The following RPL27 variants were observed in gnomAD, a reference collection of about 807,000 sequenced individuals.
The protein encoded by RPL27 is ribosomal protein L27, also known as large ribosomal subunit protein eL27.
For missense variants in RPL27, 131 were observed against 174.3 expected (o/e 0.75, Z 1.40); for synonymous variants, 77 against 61.0 (o/e 1.26, Z -1.22).
At chr17:43,002,423 C>T (rs960662674) in intron 3 of RPL27, among the ~76,000 whole-genome samples, 9 of 151,962 alleles carry the variant, frequency 5.9e-5, no homozygotes, top group African/African-American at 1.7e-4. Context: ...AGGAGAATGG[C>T]GTGAACCCGG....
chr17:43,002,079 G>A (rs2050368888), intron 3 of RPL27, among the ~76,000 whole-genome samples: 1 of 151,514 alleles, frequency 6.6e-6, no homozygotes, highest in African/African-American at 2.4e-5. Flanking sequence ...GGGCAACAGC[G>A]AGACTGTGTC....
chr17:43,000,426 C>CT (rs779066485), intron 3 of RPL27, among the ~76,000 whole-genome samples: 2 of 151,530 alleles, frequency 1.3e-5, no homozygotes, highest in Non-Finnish European at 2.9e-5. Context: ...TTTTACTCAC[C>CT]TGTTGGGCCC....
chr17:43,002,815 A>G, intron 4 of RPL27, 32 bp downstream of exon 4: 1 of 1,598,430 alleles, frequency 6.3e-7, no homozygotes, highest in African/African-American at 1.3e-5. Context: ...ATGGTGGAGT[A>G]TGGTTTCACT....
intron 3 of RPL27, among the ~76,000 whole-genome samples, chr17:43,002,332 C>T (rs551214065): frequency 1.3e-5 from 2 of 151,492 alleles, no homozygotes; most frequent in South Asian, 2.1e-4. Context: ...TGTGAAACCC[C>T]GTCTCTACTA....
chr17:42,999,031 G>A (rs1323432816), intron 2 of RPL27, 200 bp downstream of exon 2: 5 of 562,266 alleles, frequency 8.9e-6, no homozygotes, highest in Non-Finnish European at 1.6e-5. Context: ...AACGCATAAA[G>A]CCTTCTCCAC....
At chr17:43,001,473 T>C (rs2050361425) in intron 3 of RPL27, among the ~76,000 whole-genome samples, 1 of 56,420 alleles carries the variant, frequency 1.8e-5, no homozygotes, top group Non-Finnish European at 4.4e-5. Flanking sequence ...TAAAAAAAAT[T>C]AGCTGGGCAT....
At chr17:43,001,138 T>TC (rs1346352469) in intron 3 of RPL27, among the ~76,000 whole-genome samples, 1 of 140,872 alleles carries the variant, frequency 7.1e-6, no homozygotes, top group Non-Finnish European at 1.5e-5. Context: ...GGTCAGGAGA[T>TC]CGAGACCGCA....
At position 43,002,048 on chromosome 17, in the gene RPL27, T is replaced by C. The variant is rs539147338; in HGVS notation, c.252-625T>C. ...GGCGGAGGTTGCAGTGAGCCGAGAT[T>C]GCGCCACTGCACTCCAGCCTGGGCA... is the stretch of plus-strand genomic sequence containing the variant. On this transcript the variant is annotated intron_variant, in intron 3 of 4. Coordinates refer to ENST00000253788, the MANE Select transcript of RPL27 (RefSeq NM_000988.5). 1.2e-3 allele frequency among the ~76,000 whole-genome samples: 180 copies of C among 145,568 alleles called. 1 individual carries two copies. The highest frequency in any genetic ancestry group is 2.3e-3 in the Non-Finnish European group (151 of 65,712).
Position 43,000,042 on chromosome 17 carries a change from A to G in RPL27, c.191A>G (p.Lys64Arg), listed in dbSNP as rs1567737854. ...TAAMGKKKIA[K>R]RSKIKSFVKV... ...GCCATGGGCAAGAAGAAGATCGCCA[A>G]GAGATCAAAGATAAAATCTTTTGTG... is the stretch of plus-strand genomic sequence containing the variant. Residue 64 changes from lysine to arginine, a missense_variant, in exon 3 of 5, where the codon AAG becomes AGG. By Grantham distance (26) the Lys-to-Arg change is conservative. Transcript: ENST00000253788. 9 of 1,613,120 alleles carry G rather than the reference A, an allele frequency of 5.6e-6. No individual in the cohort carries two copies. Among genetic ancestry groups the G allele is most frequent in the Non-Finnish European group, 7.6e-6 (9 of 1,179,982 alleles).
At chr17:42,999,689 A>T in intron 2 of RPL27, 1 of 479,328 alleles carries the variant, frequency 2.1e-6, no homozygotes, top group African/African-American at 1.9e-5. Flanking sequence ...TACTTCTTAA[A>T]TGTTAACTGT....
In RPL27 at chr17:42,998,893, G is replaced by A. The variant is rs1467158917; in HGVS notation, c.81+62G>A. 7 of 1,394,930 alleles carry A rather than the reference G, an allele frequency of 5.0e-6. No individual in the cohort carries two copies. In the South Asian group the frequency reaches 5.8e-5, roughly 12 times the overall value. The allele number at this position is 1,394,930 out of a possible 1,614,324, so 86.4% of individuals were successfully genotyped here. On this transcript the variant is annotated intron_variant, in intron 2 of 4. Coordinates refer to ENST00000253788, the MANE Select transcript of RPL27 (RefSeq NM_000988.5). ...GGGACCAGGCTGGCTGCGGCGGGGC[G>A]GGCAGGCTTGGAATTCAAGGCCTGT...
rs112215094 is a variant in RPL27 at position 42,999,930 on chromosome 17, T to C, written c.82-3T>C. On this transcript the variant is annotated splice_polypyrimidine_tract_variant and splice_region_variant and intron_variant, in intron 2 of 4. Transcript: ENST00000253788. ...ATAACAAATGTAATTCTTACTCATT[T>C]AGAACATTGATGATGGCACCTCAGA... is the stretch of plus-strand genomic sequence containing the variant. 6.2e-7 allele frequency: 1 copy of C among 1,610,780 alleles called. No homozygotes were observed. Among genetic ancestry groups the C allele is most frequent in the Non-Finnish European group, 8.5e-7 (1 of 1,178,830 alleles).
chr17:43,000,793 G>A (rs2050353185), intron 3 of RPL27, among the ~76,000 whole-genome samples: 1 of 150,108 alleles, frequency 6.7e-6, no homozygotes, highest in Non-Finnish European at 1.5e-5. Context: ...AATGGCTCAC[G>A]CCTGTAATCC....
At chr17:42,999,804 A>AT in intron 2 of RPL27, 129 bp from the exon 3 acceptor site, 1 of 672,752 alleles carries the variant, frequency 1.5e-6, no homozygotes, top group Non-Finnish European at 2.6e-6. Context: ...GCTTTCTGTG[A>AT]TTTTTCTCTT....
chr17:43,002,587 A>C (rs919131124), intron 3 of RPL27, 86 bp from the exon 4 acceptor site: 5 of 749,544 alleles, frequency 6.7e-6, no homozygotes, highest in Non-Finnish European at 1.2e-5. Context: ...TCAGACCCTG[A>C]TTCCCTAGTG....
At chr17:43,000,233 G>A in intron 3 of RPL27, 131 bp downstream of exon 3, 2 of 721,808 alleles carry the variant, frequency 2.8e-6, no homozygotes, top group Non-Finnish European at 2.3e-6. Flanking sequence ...CTCATAAAGT[G>A]GCTATGGTTT....
At chr17:43,001,423 C>T (rs1415800872) in intron 3 of RPL27, among the ~76,000 whole-genome samples, 1 of 148,510 alleles carries the variant, frequency 6.7e-6, no homozygotes, top group Non-Finnish European at 1.5e-5. Flanking sequence ...GTCAGGAGTT[C>T]GAGACCAACC....
chr17:42,998,613 GGGCGGCCTTGACCAA>G (rs2050325048), intron 1 of RPL27, 121 bp from the exon 2 acceptor site: 1 of 655,106 alleles, frequency 1.5e-6, no homozygotes. Context: ...CAGGGCCCTC[GGGCGGCCTTGACCAA>G]GGCGACAGTG....
At chr17:43,001,630 A>AAAT (rs996134778) in intron 3 of RPL27, among the ~76,000 whole-genome samples, 1 of 150,582 alleles carries the variant, frequency 6.6e-6, no homozygotes, top group Non-Finnish European at 1.5e-5. Flanking sequence ...CAAAAAATAA[A>AAAT]AATAATAATA....
Sources: allele counts gnomAD v4.1 joint callset (sites outside exome capture counted in the v4.1 genomes callset), GRCh38; gene constraint gnomAD v4.1.1; transcripts MANE v1.5; gene names NCBI Gene and HGNC (gene_info 2026-07-23, HGNC 2026-07-21).